EYS: variants seen among roughly 807,000 people sequenced by gnomAD.
EYS encodes protein eyes shut homolog.
Under a neutral mutation model 282.1 loss-of-function variants are expected in EYS, and 250 were observed. That is an observed-to-expected ratio of 0.89 (90% CI 0.80 to 0.98). The LOEUF is 0.98. Ranked by LOEUF, EYS falls within the 50% of genes least tolerant of loss-of-function variation. EYS has a pLI of 0.00. For synonymous variants in EYS, 1,355 were observed against 1,282.9 expected (o/e 1.06, Z -1.20); for missense variants, 4,016 against 3,709.0 (o/e 1.08, Z -2.15).
At chr6:64,961,880 G>T (rs929072979) in intron 14 of EYS, among the ~76,000 whole-genome samples, 1 of 151,850 alleles carries the variant, frequency 6.6e-6, no homozygotes, top group Non-Finnish European at 1.5e-5. Context: ...TTCTGAAGCG[G>T]TTTTTCTATA....
intron 12 of EYS, among the ~76,000 whole-genome samples, chr6:65,289,807 T>C (rs1192419000): frequency 2.0e-5 from 3 of 151,048 alleles, no homozygotes; most frequent in African/African-American, 4.8e-5. Flanking sequence ...TTCTCTACAA[T>C]TGGAAGAACA....
intron 35 of EYS, among the ~76,000 whole-genome samples, chr6:63,870,651 A>T (rs1441178511): frequency 1.3e-5 from 2 of 152,148 alleles, no homozygotes; most frequent in Admixed American, 1.3e-4. Context: ...AAATATGTTG[A>T]TTTGGCAGGC....
intron 22 of EYS, among the ~76,000 whole-genome samples, chr6:64,759,952 T>C (rs1398078141): frequency 6.6e-6 from 1 of 152,242 alleles, no homozygotes; most frequent in Non-Finnish European, 1.5e-5. Flanking sequence ...TGTACAATAT[T>C]TGAGGCAAAA....
chr6:65,417,030 TACTC>T (rs1193428325), intron 5 of EYS, among the ~76,000 whole-genome samples: 2 of 152,004 alleles, frequency 1.3e-5, no homozygotes, highest in African/African-American at 4.8e-5. Context: ...TTAATGAAAA[TACTC>T]AGTTATTCAT....
chr6:65,611,530 A>G (rs1766002237), intron 2 of EYS, among the ~76,000 whole-genome samples: 3 of 152,028 alleles, frequency 2.0e-5, no homozygotes, highest in African/African-American at 7.2e-5. Flanking sequence ...ACAAGCAGAA[A>G]AAGACTGAAA....
chr6:64,029,524 G>A (rs908587531), intron 33 of EYS, among the ~76,000 whole-genome samples: 4 of 152,340 alleles, frequency 2.6e-5, no homozygotes, highest in African/African-American at 9.6e-5. Context: ...AAATGCACGT[G>A]TGTGGCCCTC....
chr6:65,374,226 G>A (rs75066704), intron 8 of EYS, among the ~76,000 whole-genome samples: 2,717 of 152,174 alleles, frequency 0.018, 90 homozygotes, highest in African/African-American at 0.063. Flanking sequence ...AGTGAGTGCG[G>A]CCCACCAAGG....
intron 15 of EYS, among the ~76,000 whole-genome samples, chr6:64,943,673 G>A (rs1355297539): frequency 6.6e-6 from 1 of 151,974 alleles, no homozygotes; most frequent in South Asian, 2.1e-4. Context: ...TCTGTACAAG[G>A]AGAACTACAA....
At chr6:64,516,436 C>A (rs1856156) in intron 26 of EYS, among the ~76,000 whole-genome samples, 1 of 151,294 alleles carries the variant, frequency 6.6e-6, no homozygotes, top group Non-Finnish European at 1.5e-5. Flanking sequence ...CACCTGTACC[C>A]CTGAACTTAA....
At position 64,388,859 on chromosome 6, in the gene EYS, G is replaced by A; in HGVS notation, c.5928-19C>T. 1 of 1,466,304 alleles carries A rather than the reference G, an allele frequency of 6.8e-7. No homozygotes were observed. The highest frequency in any genetic ancestry group is 9.1e-7 in the Non-Finnish European group (1 of 1,104,768). 90.8% of individuals were successfully genotyped at this position (1,466,304 alleles called of 1,614,324 possible). A position where few individuals can be genotyped will look rare whatever the true frequency, so the allele number is the denominator to read the frequency against. On this transcript the variant is annotated intron_variant, in intron 28 of 42. Coordinates refer to ENST00000503581, the MANE Select transcript of EYS (RefSeq NM_001142800.2). ...TTCTTGCCTGTAACCATTTAAGAAA[G>A]AAATGGTTTTAGTATAAGTCATATA...
intron 30 of EYS, among the ~76,000 whole-genome samples, chr6:64,232,808 T>G (rs1170881115): frequency 1.3e-5 from 2 of 152,188 alleles, no homozygotes; most frequent in East Asian, 3.8e-4. Flanking sequence ...TTCTAACACT[T>G]TTGATATAAT....
intron 15 of EYS, among the ~76,000 whole-genome samples, chr6:64,928,106 A>G (rs902971362): frequency 2.0e-5 from 3 of 152,096 alleles, no homozygotes; most frequent in South Asian, 4.1e-4. Context: ...TATTATGTGT[A>G]ATCACAATAA....
At chr6:64,396,367 C>T (rs1164295854) in intron 28 of EYS, among the ~76,000 whole-genome samples, 1 of 151,908 alleles carries the variant, frequency 6.6e-6, no homozygotes, top group Non-Finnish European at 1.5e-5. Flanking sequence ...ATGTGCTCTA[C>T]TGATTATATA....
chr6:64,630,017 T>C (rs756273359), intron 22 of EYS, among the ~76,000 whole-genome samples: 3 of 152,210 alleles, frequency 2.0e-5, no homozygotes, highest in Admixed American at 1.3e-4. Flanking sequence ...TTAAGAATGA[T>C]GTTAGCTATA....
chr6:65,684,658 G>A (rs529284591), intron 1 of EYS, among the ~76,000 whole-genome samples: 1 of 152,140 alleles, frequency 6.6e-6, no homozygotes, highest in African/African-American at 2.4e-5. Flanking sequence ...CCATGGTAAG[G>A]TGAGGAGAGA....
intron 36 of EYS, among the ~76,000 whole-genome samples, chr6:63,850,104 A>G (rs1280791889): frequency 6.6e-6 from 1 of 152,208 alleles, no homozygotes; most frequent in East Asian, 1.9e-4. Flanking sequence ...TAATGAAATA[A>G]AGCATGAAAA....
intron 15 of EYS, among the ~76,000 whole-genome samples, chr6:64,914,311 T>C (rs1264553525): frequency 2.0e-5 from 3 of 152,116 alleles, no homozygotes; most frequent in Non-Finnish European, 4.4e-5. Context: ...TTTCCAAATC[T>C]TGAGCAACTT....
Position 64,128,928 on chromosome 6 carries a change from A to C in EYS, c.6425-46926T>G, listed in dbSNP as rs1773874260. ...AGATCTAGAATAATAGCAGTCAGTA[A>C]AGTTCTCTCTGAGGGATGACATTTA... On this transcript the variant is annotated intron_variant, in intron 31 of 42. Transcript: ENST00000503581. Among the ~76,000 whole-genome samples the C allele has an allele frequency of 2.0e-5, 3 of 152,188 alleles. No individual in the cohort carries two copies. In the South Asian group the frequency reaches 6.2e-4, roughly 31 times the overall value.
chr6:65,518,652 T>A (rs1767231246), intron 2 of EYS, among the ~76,000 whole-genome samples: 1 of 152,174 alleles, frequency 6.6e-6, no homozygotes, highest in Non-Finnish European at 1.5e-5. Flanking sequence ...TTCATTGCTA[T>A]AAATATAGCA....
Sources: allele counts gnomAD v4.1 joint callset (sites outside exome capture counted in the v4.1 genomes callset), GRCh38; gene constraint gnomAD v4.1.1; transcripts MANE v1.5; gene names NCBI Gene and HGNC (gene_info 2026-07-23, HGNC 2026-07-21).